The following HYCC2 variants were observed in gnomAD, a reference collection of about 807,000 sequenced individuals.
HYCC2 encodes the protein hyccin PI4KA lipid kinase complex subunit 2.
the HYCC2 span, among the ~76,000 whole-genome samples, chr2:201,005,614 C>T: frequency 2.0e-5 from 3 of 152,110 alleles, no homozygotes; most frequent in East Asian, 5.8e-4. Flanking sequence ...TATTTATCGC[C>T]TAGTTGTGAT....
the HYCC2 span, among the ~76,000 whole-genome samples, chr2:201,000,484 A>G: frequency 1.1e-3 from 163 of 152,334 alleles, 1 homozygote; most frequent in African/African-American, 3.7e-3. Context: ...ATAAAAAACT[A>G]AAACATACAG....
the HYCC2 span, chr2:200,979,917 A>C: frequency 6.6e-6 from 1 of 152,656 alleles, no homozygotes; most frequent in Non-Finnish European, 1.5e-5. Context: ...ACTTACATAC[A>C]TTCAACATCT....
the HYCC2 span, among the ~76,000 whole-genome samples, chr2:200,995,766 C>T: frequency 2.6e-5 from 4 of 152,162 alleles, no homozygotes; most frequent in Non-Finnish European, 5.9e-5. Context: ...AGCAGAGGAC[C>T]CCAGCTAAGC....
At chr2:201,041,646 ATTAC>A in the HYCC2 span, among the ~76,000 whole-genome samples, 7 of 152,198 alleles carry the variant, frequency 4.6e-5, no homozygotes, top group Admixed American at 4.6e-4. Context: ...ATCAGACCTC[ATTAC>A]TTACTAATTG....
At chr2:201,032,019 T>A in the HYCC2 span, among the ~76,000 whole-genome samples, 2 of 152,172 alleles carry the variant, frequency 1.3e-5, no homozygotes, top group Admixed American at 1.3e-4. Context: ...TGGAGTGTAG[T>A]GGCACAATCT....
At chr2:200,993,454 C>G in the HYCC2 span, among the ~76,000 whole-genome samples, 1 of 152,146 alleles carries the variant, frequency 6.6e-6, no homozygotes, top group East Asian at 1.9e-4. Flanking sequence ...AAACAACTCC[C>G]TAACATCCAT....
the HYCC2 span, among the ~76,000 whole-genome samples, chr2:201,028,835 A>T: frequency 6.6e-6 from 1 of 152,222 alleles, no homozygotes; most frequent in Non-Finnish European, 1.5e-5. Flanking sequence ...AAAGACTTAA[A>T]TGTTAGACCT....
chr2:201,027,766 C>A, the HYCC2 span, among the ~76,000 whole-genome samples: 16 of 152,080 alleles, frequency 1.1e-4, no homozygotes, highest in Admixed American at 3.3e-4. Context: ...ATTCAACAAC[C>A]CTTCATGCTA....
chr2:201,022,417 T>C, the HYCC2 span: 1 of 276,128 alleles, frequency 3.6e-6, no homozygotes, highest in South Asian at 3.5e-5. Context: ...TCAGTTTGAT[T>C]TCACTGACTA....
chr2:201,065,559 C>T, the HYCC2 span, among the ~76,000 whole-genome samples: 1 of 152,146 alleles, frequency 6.6e-6, no homozygotes, highest in Non-Finnish European at 1.5e-5. Context: ...CCTCTAGGCC[C>T]TAATTCTTCA....
At chr2:201,022,179 C>A in the HYCC2 span, 1 of 939,940 alleles carries the variant, frequency 1.1e-6, no homozygotes, top group Non-Finnish European at 1.5e-6. Context: ...ATACATGAAT[C>A]CAGTGGTGAT....
chr2:201,058,279 T>C, the HYCC2 span, among the ~76,000 whole-genome samples: 1 of 152,206 alleles, frequency 6.6e-6, no homozygotes, highest in Non-Finnish European at 1.5e-5. Flanking sequence ...ATAAAACTCA[T>C]AAACTTTGAT....
the HYCC2 span, among the ~76,000 whole-genome samples, chr2:200,999,310 T>C: frequency 6.6e-6 from 1 of 152,124 alleles, no homozygotes; most frequent in Admixed American, 6.6e-5. Context: ...AAAACCACAA[T>C]AACTTTTGCA....
chr2:201,016,929 G>T, the HYCC2 span: 1 of 1,493,844 alleles, frequency 6.7e-7, no homozygotes. Context: ...CATTCCTTAA[G>T]TATTATTTCA....
At chr2:201,023,990 C>A in the HYCC2 span, 3 of 1,613,514 alleles carry the variant, frequency 1.9e-6, no homozygotes, top group South Asian at 2.2e-5. Flanking sequence ...TTCCACAACA[C>A]AACGGTCAGT....
chr2:201,030,023 G>C, the HYCC2 span, among the ~76,000 whole-genome samples: 1 of 152,112 alleles, frequency 6.6e-6, no homozygotes, highest in African/African-American at 2.4e-5. Context: ...AGACTTCAAG[G>C]CTCCAGTGAG....
chr2:200,991,553 A>T, the HYCC2 span, among the ~76,000 whole-genome samples: 2 of 150,086 alleles, frequency 1.3e-5, no homozygotes, highest in Non-Finnish European at 1.5e-5. Context: ...TAGGAGACAG[A>T]GCAAGACTCC....
chr2:201,045,630 G>A, the HYCC2 span: 1 of 396,958 alleles, frequency 2.5e-6, no homozygotes, highest in Non-Finnish European at 4.4e-6. Context: ...AAATATTGAG[G>A]TAATATTCTC....
chr2:201,037,878 CA>C, the HYCC2 span, among the ~76,000 whole-genome samples: 2 of 152,006 alleles, frequency 1.3e-5, no homozygotes, highest in African/African-American at 4.8e-5. Flanking sequence ...CAACAAAAGC[CA>C]AAATTGACAA....
Sources: allele counts gnomAD v4.1 joint callset (sites outside exome capture counted in the v4.1 genomes callset), GRCh38; gene constraint gnomAD v4.1.1; transcripts MANE v1.5; gene names NCBI Gene and HGNC (gene_info 2026-07-23, HGNC 2026-07-21).